KCNN3: variants seen among roughly 807,000 people sequenced by gnomAD.
KCNN3 encodes the protein potassium calcium-activated channel subfamily N member 3, also known as small conductance calcium-activated potassium channel protein 3.
In KCNN3, 16 loss-of-function variants were observed where a neutral mutation model predicts 62.9. That is an observed-to-expected ratio of 0.25 (90% CI 0.17 to 0.39). KCNN3 has a LOEUF of 0.39. Among genes scored for constraint, KCNN3 ranks in the 10% least tolerant of loss-of-function variants. KCNN3 has a pLI of 1.00. For synonymous variants in KCNN3, 370 were observed against 389.2 expected (o/e 0.95, Z 0.58); for missense variants, 599 against 949.4 (o/e 0.63, Z 4.85).
chr1:154,869,165 C>T lies in KCNN3; in HGVS notation c.800G>A (p.Gly267Asp). 1.2e-6 allele frequency: 2 copies of T among 1,614,114 alleles called. No homozygotes were observed. The highest frequency in any genetic ancestry group is 1.7e-6 in the Non-Finnish European group (2 of 1,180,020). ...GGCCCTCCTGTGTCCCAGCTTATAG[C>T]CAATGTTTTGGTTTTTCCGCTTGTT... Reference protein sequence around the residue: ...KANKRKNQNIGYKLGHRRALF... With the variant: ...KANKRKNQNIDYKLGHRRALF... The change falls in exon 1 of 8, where the codon GGC becomes GAC. Residue 267 changes from glycine (G) to aspartate (D), a missense_variant. Around this residue, in one of 7 missense-constraint regions of KCNN3, gnomAD observed 80 missense variants for 85.4 expected, o/e 0.94. Coordinates refer to ENST00000271915, the MANE Select transcript of KCNN3 (RefSeq NM_002249.6). The surrounding 1 kb of genome is among the most constrained non-coding windows in gnomAD (Gnocchi z 6.1).
chr1:154,858,385 A>G (rs1268765208), intron 1 of KCNN3, among the ~76,000 whole-genome samples: 1 of 152,224 alleles, frequency 6.6e-6, no homozygotes, highest in Non-Finnish European at 1.5e-5. Flanking sequence ...CACCCACAAG[A>G]GGAATTAAAA....
At chr1:154,722,214 C>G (rs527796250) in intron 5 of KCNN3, among the ~76,000 whole-genome samples, 6 of 151,826 alleles carry the variant, frequency 4.0e-5, no homozygotes, top group Non-Finnish European at 8.8e-5. Flanking sequence ...TTTCGTTTTG[C>G]GTAGGTCTTT....
At chr1:154,854,963 A>G (rs1292059414) in intron 1 of KCNN3, among the ~76,000 whole-genome samples, 3 of 152,212 alleles carry the variant, frequency 2.0e-5, no homozygotes, top group Non-Finnish European at 4.4e-5. Context: ...CATGCCTGTC[A>G]TCCCAGCACT....
chr1:154,751,178 G>C (rs1647361510), intron 3 of KCNN3, among the ~76,000 whole-genome samples: 1 of 152,228 alleles, frequency 6.6e-6, no homozygotes, highest in Non-Finnish European at 1.5e-5. Flanking sequence ...CTCGCGGTGT[G>C]AGTCTGGACA....
At chr1:154,709,363 C>T (rs1011976132) in intron 7 of KCNN3, among the ~76,000 whole-genome samples, 1 of 152,020 alleles carries the variant, frequency 6.6e-6, no homozygotes, top group Non-Finnish European at 1.5e-5. Flanking sequence ...TTGGTCATCC[C>T]TGAGGTACTG....
At chr1:154,715,593 T>C (rs1277731985) in intron 5 of KCNN3, among the ~76,000 whole-genome samples, 2 of 151,992 alleles carry the variant, frequency 1.3e-5, no homozygotes, top group African/African-American at 2.4e-5. Context: ...CTTTCTCTCT[T>C]TCTTTCTCCT....
At chr1:154,830,970 G>A (rs1651358746) in intron 1 of KCNN3, among the ~76,000 whole-genome samples, 1 of 152,248 alleles carries the variant, frequency 6.6e-6, no homozygotes, top group South Asian at 2.1e-4. Flanking sequence ...CTGGGCAGAG[G>A]GGAACTGGCA....
chr1:154,829,754 G>A (rs542861591), intron 1 of KCNN3, among the ~76,000 whole-genome samples: 17 of 152,176 alleles, frequency 1.1e-4, no homozygotes, highest in Admixed American at 3.9e-4. Context: ...ACCCACCATC[G>A]AAGCTGGGAG....
At chr1:154,844,089 G>A (rs1444382871) in intron 1 of KCNN3, among the ~76,000 whole-genome samples, 2 of 152,176 alleles carry the variant, frequency 1.3e-5, no homozygotes, top group African/African-American at 2.4e-5. Context: ...TCCACCCAAG[G>A]GAGCAAATGA....
intron 3 of KCNN3, among the ~76,000 whole-genome samples, chr1:154,770,492 T>A (rs1358305050): frequency 6.6e-6 from 1 of 152,178 alleles, no homozygotes; most frequent in East Asian, 1.9e-4. Context: ...CATGGAAGAT[T>A]TGGCAATATA....
At chr1:154,709,665 C>T (rs1700034356) in intron 7 of KCNN3, among the ~76,000 whole-genome samples, 1 of 152,286 alleles carries the variant, frequency 6.6e-6, no homozygotes, top group South Asian at 2.1e-4. Context: ...GAGATGGCCC[C>T]GCTCCCATGA....
intron 2 of KCNN3, among the ~76,000 whole-genome samples, chr1:154,810,896 A>G (rs1011716567): frequency 5.3e-5 from 8 of 152,240 alleles, no homozygotes; most frequent in Non-Finnish European, 8.8e-5. Context: ...AGCTTTGGAG[A>G]TGGTCAACTC....
intron 3 of KCNN3, among the ~76,000 whole-genome samples, chr1:154,771,501 C>T (rs1648557409): frequency 6.6e-6 from 1 of 152,128 alleles, no homozygotes; most frequent in Non-Finnish European, 1.5e-5. Context: ...GGTCTGTGAA[C>T]CAAACTTTGA....
chr1:154,736,905 T>C (rs1700722927), intron 3 of KCNN3: 22 of 645,350 alleles, frequency 3.4e-5, no homozygotes, highest in South Asian at 2.9e-4. Flanking sequence ...ATCTTGAGAG[T>C]GTCCTTCGTT....
At chr1:154,792,132 C>G (rs1054285322) in intron 2 of KCNN3, among the ~76,000 whole-genome samples, 1 of 152,156 alleles carries the variant, frequency 6.6e-6, no homozygotes, top group Non-Finnish European at 1.5e-5. Flanking sequence ...ATGGGTGGCA[C>G]TCACTGTGGG....
At chr1:154,820,582 C>A (rs924301652) in intron 2 of KCNN3, among the ~76,000 whole-genome samples, 1 of 152,196 alleles carries the variant, frequency 6.6e-6, no homozygotes, top group African/African-American at 2.4e-5. Context: ...GGAGCCCAGA[C>A]TGTCAACTTC....
At chr1:154,766,111 C>A (rs1648258797) in intron 3 of KCNN3, among the ~76,000 whole-genome samples, 1 of 151,976 alleles carries the variant, frequency 6.6e-6, no homozygotes, top group African/African-American at 2.4e-5. Context: ...ATCTATCTCT[C>A]CGCCTGGCAC....
intron 1 of KCNN3, among the ~76,000 whole-genome samples, chr1:154,823,344 G>T (rs1047764368): frequency 6.6e-6 from 1 of 152,182 alleles, no homozygotes; most frequent in Non-Finnish European, 1.5e-5. Flanking sequence ...CCTGAGTGGT[G>T]CACGCCACAA....
At position 154,701,982 on chromosome 1, in the gene KCNN3, A is replaced by G. The variant is rs1160610255; in HGVS notation, c.*5994T>C. ...TGTAATGAGGCCTTTGAATTTATAT[A>G]GAAAGAGCCTGAACTTTTATTAAAC... On this transcript the variant is annotated 3_prime_UTR_variant, in exon 8 of 8. Coordinates refer to ENST00000271915, the MANE Select transcript of KCNN3 (RefSeq NM_002249.6). The G allele has an allele frequency of 6.6e-6, 1 of 152,246 alleles. No homozygotes were observed. Among genetic ancestry groups the G allele is most frequent in the African/African-American group, 2.4e-5 (1 of 41,466 alleles). 9.4% of individuals were successfully genotyped at this position (152,246 alleles called of 1,614,324 possible).
Sources: gnomAD v4.1 joint callset for allele counts (sites outside exome capture counted in the v4.1 genomes callset) on GRCh38, gnomAD v4.1.1 for gene constraint, gnomAD v4.1.1 regional missense constraint, Gnocchi (gnomAD v3.1) non-coding constraint, MANE v1.5 for transcripts, NCBI Gene and HGNC (gene_info 2026-07-23, HGNC 2026-07-21) for gene names.